Variants in AGTPBP1 observed in about 807,000 individuals in gnomAD.
AGTPBP1 encodes ATP/GTP binding carboxypeptidase 1, also known as cytosolic carboxypeptidase 1.
Under a neutral mutation model 143.9 loss-of-function variants are expected in AGTPBP1, and 70 were observed. The observed-to-expected ratio is 0.49, with a 90% CI of 0.40 to 0.59. The LOEUF (loss-of-function observed/expected upper bound fraction) is 0.59. Ranked by LOEUF, AGTPBP1 falls within the 20% of genes least tolerant of loss-of-function variation. The pLI is 0.00. For missense variants in AGTPBP1, 1,229 were observed against 1,464.5 expected (o/e 0.84, Z 2.62); for synonymous variants, 463 against 500.2 (o/e 0.93, Z 0.99).
intron 25 of AGTPBP1, among the ~76,000 whole-genome samples, chr9:85,556,601 A>G (rs1795213562): frequency 6.6e-6 from 1 of 152,174 alleles, no homozygotes; most frequent in Admixed American, 6.5e-5. Flanking sequence ...CTTAAATATA[A>G]AGAGAAAACT....
At chr9:85,659,040 T>C (rs578022319) in intron 9 of AGTPBP1, among the ~76,000 whole-genome samples, 11 of 152,290 alleles carry the variant, frequency 7.2e-5, no homozygotes, top group Admixed American at 5.2e-4. Context: ...ACAAACCTTG[T>C]GTGTTTCCAC....
At position 85,592,694 on chromosome 9, in the gene AGTPBP1, A is replaced by G; in HGVS notation, c.2434T>C (p.Ser812Pro). The change falls in exon 19 of 26, where the codon TCA (serine) becomes CCA (proline). Residue 812 changes from serine (S) to proline (P), a missense_variant. Ser to Pro is a moderately conservative substitution (Grantham distance 74). Around this residue, in one of 2 missense-constraint regions of AGTPBP1, gnomAD observed 486 missense variants for 652.3 expected, o/e 0.75. Coordinates refer to ENST00000357081, the MANE Select transcript of AGTPBP1 (RefSeq NM_001330701.2). ...TDICYYKNHF[S>P]RSSVAAGGQK... ...CCACCTGCAGCAACTGAACTTCTTG[A>G]GAAATGATTTCTGCAATAAAAACGC... The G allele has an allele frequency of 1.2e-6, 2 of 1,610,720 alleles. No individual in the cohort carries two copies. The highest frequency in any genetic ancestry group is 8.5e-7 in the Non-Finnish European group (1 of 1,178,814).
the AGTPBP1 span, among the ~76,000 whole-genome samples, chr9:85,762,148 T>C: frequency 6.6e-6 from 1 of 151,948 alleles, no homozygotes; most frequent in African/African-American, 2.4e-5. Context: ...TGTGGAGAAA[T>C]AGGAACACTT....
chr9:85,735,955 T>C (rs1337113976), intron 1 of AGTPBP1, among the ~76,000 whole-genome samples: 1 of 152,178 alleles, frequency 6.6e-6, no homozygotes, highest in East Asian at 1.9e-4. Flanking sequence ...AGACAGCAAG[T>C]GCCTGGAATT....
At chr9:85,626,677 A>C (rs963865078) in intron 14 of AGTPBP1, among the ~76,000 whole-genome samples, 12 of 147,468 alleles carry the variant, frequency 8.1e-5, no homozygotes, top group Non-Finnish European at 1.8e-4. Flanking sequence ...TACAGGGGTC[A>C]GCAAACTTCT....
At chr9:85,634,116 C>T (rs1831869147) in intron 13 of AGTPBP1, among the ~76,000 whole-genome samples, 1 of 150,392 alleles carries the variant, frequency 6.6e-6, no homozygotes, top group South Asian at 2.1e-4. Flanking sequence ...ATCACTTGAA[C>T]CCAGGAGGTG....
At chr9:85,787,711 T>C in the AGTPBP1 span, among the ~76,000 whole-genome samples, 5 of 152,226 alleles carry the variant, frequency 3.3e-5, no homozygotes, top group African/African-American at 1.2e-4. Context: ...TATTTTGTTA[T>C]TTAGGTTGTT....
chr9:85,741,973 G>C, upstream of AGTPBP1: 3 of 1,234,444 alleles, frequency 2.4e-6, no homozygotes, highest in East Asian at 3.3e-5. Context: ...CCCGGGCAAC[G>C]TCAGCGCGGC....
intron 1 of AGTPBP1, among the ~76,000 whole-genome samples, chr9:85,737,243 T>C (rs968665809): frequency 6.6e-6 from 1 of 152,242 alleles, no homozygotes; most frequent in Non-Finnish European, 1.5e-5. Flanking sequence ...TGCTACATAC[T>C]GAATTACAAT....
chr9:85,741,692 G>A (rs1588018738), intron 1 of AGTPBP1, 83 bp downstream of exon 1: 30 of 1,260,746 alleles, frequency 2.4e-5, no homozygotes, highest in East Asian at 1.6e-4. Flanking sequence ...CTACCCCCGG[G>A]CGCCGTCGCT....
intron 17 of AGTPBP1, among the ~76,000 whole-genome samples, chr9:85,613,760 G>A (rs1830452863): frequency 6.6e-6 from 1 of 152,036 alleles, no homozygotes; most frequent in Non-Finnish European, 1.5e-5. Flanking sequence ...AGTGTTCAAA[G>A]TAAGATCAGC....
At chr9:85,647,730 T>C (rs1832906009) in intron 11 of AGTPBP1, among the ~76,000 whole-genome samples, 1 of 152,168 alleles carries the variant, frequency 6.6e-6, no homozygotes, top group Admixed American at 6.6e-5. Flanking sequence ...TATGTGAATG[T>C]AATGGTGGGT....
intron 17 of AGTPBP1, among the ~76,000 whole-genome samples, chr9:85,605,225 T>A (rs1424524700): frequency 6.6e-6 from 1 of 151,918 alleles, no homozygotes; most frequent in Non-Finnish European, 1.5e-5. Context: ...AAAGAAAGGA[T>A]CCTAAAAGCA....
At chr9:85,736,786 T>C (rs1245855649) in intron 1 of AGTPBP1, among the ~76,000 whole-genome samples, 2 of 152,114 alleles carry the variant, frequency 1.3e-5, no homozygotes, top group African/African-American at 4.8e-5. Context: ...TTGGACTGAG[T>C]TAAAGTCACC....
chr9:85,751,446 A>G, the AGTPBP1 span, among the ~76,000 whole-genome samples: 4,140 of 152,282 alleles, frequency 0.027, 179 homozygotes, highest in African/African-American at 0.095. Flanking sequence ...TCAAATTGCT[A>G]TAAAAGTATC....
chr9:85,648,214 A>C (rs762050262), intron 11 of AGTPBP1, among the ~76,000 whole-genome samples: 6 of 152,188 alleles, frequency 3.9e-5, no homozygotes, highest in Non-Finnish European at 8.8e-5. Flanking sequence ...GGCATTAGAG[A>C]AGTTAATATA....
intron 2 of AGTPBP1, among the ~76,000 whole-genome samples, chr9:85,707,688 CCTA>C (rs1837099060): frequency 2.0e-5 from 3 of 152,174 alleles, no homozygotes; most frequent in Admixed American, 6.6e-5. Flanking sequence ...GTATTTGTTT[CCTA>C]CTGCTGCTGT....
In AGTPBP1 at chr9:85,638,757, T is replaced by C. The variant is rs545473296; in HGVS notation, c.1302+4070A>G. Among the ~76,000 whole-genome samples, 38 of 152,122 alleles carry C rather than the reference T, an allele frequency of 2.5e-4. No individual in the cohort carries two copies. In the South Asian group the frequency reaches 6.8e-3, roughly 27 times the overall value. ...AGGAAGAAAACTCAATCTACATGTA[T>C]ATACAATAAATAATAACCCTCAAAA... On this transcript the variant is annotated intron_variant, in intron 13 of 25. Coordinates refer to ENST00000357081, the MANE Select transcript of AGTPBP1 (RefSeq NM_001330701.2).
intron 11 of AGTPBP1, among the ~76,000 whole-genome samples, chr9:85,648,305 T>C (rs1330893421): frequency 1.3e-5 from 2 of 152,238 alleles, no homozygotes; most frequent in Non-Finnish European, 2.9e-5. Flanking sequence ...TGGGTCTCTT[T>C]GTAACAGCAG....
Sources: allele counts gnomAD v4.1 joint callset (sites outside exome capture counted in the v4.1 genomes callset), GRCh38; gene constraint gnomAD v4.1.1; regional missense constraint gnomAD v4.1.1; transcripts MANE v1.5; gene names NCBI Gene and HGNC (gene_info 2026-07-23, HGNC 2026-07-21).